Variants in SHCBP1 observed in about 807,000 individuals in gnomAD.
SHCBP1 encodes the protein SHC SH2 domain-binding protein 1.
In SHCBP1, 60 loss-of-function variants were observed where a neutral mutation model predicts 75.1. The observed-to-expected ratio is 0.80, with a 90% CI of 0.65 to 0.99. The LOEUF (loss-of-function observed/expected upper bound fraction) is 0.99, where lower values mean the gene tolerates loss of function less well. SHCBP1 is among the 50% of genes least tolerant of loss of function. SHCBP1 has a pLI of 0.00. For synonymous variants in SHCBP1, 290 were observed against 293.2 expected (o/e 0.99, Z 0.11); for missense variants, 709 against 809.4 (o/e 0.88, Z 1.50).
intron 8 of SHCBP1, among the ~76,000 whole-genome samples, chr16:46,603,012 G>A (rs1010173991): frequency 4.6e-5 from 7 of 152,188 alleles, no homozygotes; most frequent in Non-Finnish European, 8.8e-5. Context: ...TGTAGCATTT[G>A]TGACATTCGG....
At chr16:46,600,074 G>A in intron 8 of SHCBP1, 112 bp from the exon 9 acceptor site, 2 of 1,182,900 alleles carry the variant, frequency 1.7e-6, no homozygotes, top group Non-Finnish European at 2.4e-6. Flanking sequence ...AATGAGACCA[G>A]TCAACCATGT....
intron 5 of SHCBP1, among the ~76,000 whole-genome samples, chr16:46,608,010 C>A (rs995271642): frequency 2.0e-5 from 3 of 152,156 alleles, no homozygotes; most frequent in African/African-American, 4.8e-5. Flanking sequence ...AAACAGTGAG[C>A]TACTAATTTA....
chr16:46,583,475 A>T (rs1453319725), intron 12 of SHCBP1, 41 bp downstream of exon 12: 2 of 1,559,966 alleles, frequency 1.3e-6, no homozygotes, highest in Non-Finnish European at 1.7e-6. Flanking sequence ...ATGCTGAAAT[A>T]AATTATGTCT....
chr16:46,614,850 A>G (rs920033878), intron 4 of SHCBP1, among the ~76,000 whole-genome samples: 1 of 152,222 alleles, frequency 6.6e-6, no homozygotes, highest in African/African-American at 2.4e-5. Context: ...AACCCAATTA[A>G]GAATCCCCTA....
chr16:46,581,101 T>C lies in SHCBP1; in HGVS notation c.*628A>G, dbSNP rs931066560. 1 of 152,494 alleles carries C rather than the reference T, an allele frequency of 6.6e-6. No homozygotes were observed. Among genetic ancestry groups the C allele is most frequent in the African/African-American group, 2.4e-5 (1 of 41,454 alleles). The allele number at this position is 152,494 out of a possible 1,614,324, so 9.4% of individuals were successfully genotyped here. On this transcript the variant is annotated 3_prime_UTR_variant, in exon 13 of 13. Transcript: ENST00000303383. ...ATTCAGCAATAGTGAAAATGCTCTA[T>C]GTACAACATTGGCTCTGAATAACAC...
At chr16:46,604,200 T>G (rs752593121) in intron 6 of SHCBP1, 28 bp downstream of exon 6, 18 of 1,612,568 alleles carry the variant, frequency 1.1e-5, no homozygotes, top group Non-Finnish European at 1.4e-5. Context: ...AGATGCTGAC[T>G]AACTAAGAAT....
chr16:46,621,225 G>A (rs1965584929), intron 1 of SHCBP1, 32 bp downstream of exon 1: 1 of 1,582,050 alleles, frequency 6.3e-7, no homozygotes. Context: ...CCGCTCAGAG[G>A]CGGCTCCTCG....
At position 46,616,004 on chromosome 16, in the gene SHCBP1, C is replaced by T. The variant is rs146106817; in HGVS notation, c.538G>A (p.Val180Met). 1 of 1,614,158 alleles carries T rather than the reference C, an allele frequency of 6.2e-7. No homozygotes were observed. Among genetic ancestry groups the T allele is most frequent in the Admixed American group, 1.7e-5 (1 of 60,020 alleles). Residue 180 changes from valine (V) to methionine (M), a missense_variant, in exon 4 of 13, where the codon GTG (valine) becomes ATG (methionine). Transcript: ENST00000303383. This position sits in a 1 kb window ranked among gnomAD's most constrained non-coding sequence, Gnocchi z 4.4. ...EHRLPLQELW[V>M]VFDDSGVFDQ... ...AACACTCCTGAATCATCAAACACCA[C>T]CCACAGCTCCTGCAGGGGCAACCGA...
chr16:46,617,795 G>A (rs1314079914), intron 2 of SHCBP1, 46 bp from the exon 3 acceptor site: 2 of 1,402,564 alleles, frequency 1.4e-6, no homozygotes, highest in African/African-American at 1.4e-5. Context: ...GCATAAAGCA[G>A]AGGGAAGTTA....
chr16:46,585,242 A>C (rs1482946599), intron 10 of SHCBP1, among the ~76,000 whole-genome samples: 1 of 152,202 alleles, frequency 6.6e-6, no homozygotes, highest in African/African-American at 2.4e-5. Context: ...GAAAAGGAAC[A>C]GATAATTTGG....
In SHCBP1 at chr16:46,579,656, C is replaced by A. The variant is rs984905709; in HGVS notation, c.*2073G>T. Among the ~76,000 whole-genome samples, 1 of 151,454 alleles carries A rather than the reference C, an allele frequency of 6.6e-6. No homozygotes were observed. Among genetic ancestry groups the A allele is most frequent in the Admixed American group, 6.6e-5 (1 of 15,196 alleles). ...ATCTACTAAAAATACAAAAAAAAGG[C>A]CAGGCACGTGGCTCATGCCTGTAAT... On this transcript the variant is annotated 3_prime_UTR_variant, in exon 13 of 13. Coordinates refer to ENST00000303383, the MANE Select transcript of SHCBP1 (RefSeq NM_024745.5).
rs796086659 is a variant in SHCBP1 at position 46,616,958 on chromosome 16, G to A, written c.387+676C>T. Among the ~76,000 whole-genome samples the A allele has an allele frequency of 1.4e-4, 22 of 152,272 alleles. No individual in the cohort carries two copies. The highest frequency in any genetic ancestry group is 4.8e-4 in the African/African-American group (20 of 41,556). ...TGTAGTATGTGATGCCATTTTCTAA[G>A]GGAGCTGCAGCAACAACTTGTATTC... On this transcript the variant is annotated intron_variant, in intron 3 of 12. Coordinates refer to ENST00000303383, the MANE Select transcript of SHCBP1 (RefSeq NM_024745.5). This position sits in a 1 kb window ranked among gnomAD's most constrained non-coding sequence, Gnocchi z 4.4.
intron 9 of SHCBP1, among the ~76,000 whole-genome samples, chr16:46,596,274 G>T (rs544278327): frequency 6.6e-6 from 1 of 152,044 alleles, no homozygotes; most frequent in South Asian, 2.1e-4. Flanking sequence ...GGGAGGCCGA[G>T]GGGGGCAGAA....
rs1451483163 is a variant in SHCBP1 at position 46,599,811 on chromosome 16, C to CCAAA, written c.1345+16_1345+19dup. The stretch of plus-strand genomic sequence containing the variant: ...TTCAAATCTTAGAACAAATGATATA[C>CCAAA]CAAACATTCAGATACTTACTTAAGA... On this transcript the variant is annotated intron_variant, in intron 9 of 12. Transcript: ENST00000303383. The CCAAA allele has an allele frequency of 6.3e-7, 1 of 1,577,084 alleles. No individual in the cohort carries two copies.
chr16:46,604,135 AACAC>A lies in SHCBP1; in HGVS notation c.928_931del (p.Val310LeufsTer29), dbSNP rs1199877205. ...GATGTTAGAATTCTTCTGATAACCA[AACAC>A]ATACCTTAAAGAAACGAAACAGGCC... On this transcript the variant is annotated frameshift_variant, in exon 7 of 13. Coordinates refer to ENST00000303383, the MANE Select transcript of SHCBP1 (RefSeq NM_024745.5). LOFTEE classifies it high-confidence loss of function. 1 of 1,614,010 alleles carries A rather than the reference AACAC, an allele frequency of 6.2e-7. No individual in the cohort carries two copies. Among genetic ancestry groups the A allele is most frequent in the East Asian group, 2.2e-5 (1 of 44,886 alleles).
chr16:46,603,828 T>C, intron 7 of SHCBP1, 147 bp downstream of exon 7: 1 of 1,274,876 alleles, frequency 7.8e-7, no homozygotes, highest in Non-Finnish European at 1.1e-6. Context: ...AAGTGACTAC[T>C]GCTGATGAAA....
At position 46,616,247 on chromosome 16, in the gene SHCBP1, T is replaced by C; in HGVS notation, c.388-93A>G. On this transcript the variant is annotated intron_variant, in intron 3 of 12. Coordinates refer to ENST00000303383, the MANE Select transcript of SHCBP1 (RefSeq NM_024745.5). The surrounding 1 kb of genome is among the most constrained non-coding windows in gnomAD (Gnocchi z 4.4). ...TGACAACCTGATTTTTTTAAAAGCA[T>C]ACAACATGGGTGGGGAGGCTTTACC... The C allele has an allele frequency of 7.8e-7, 1 of 1,281,246 alleles. No individual in the cohort carries two copies. Among genetic ancestry groups the C allele is most frequent in the Non-Finnish European group, 1.1e-6 (1 of 912,754 alleles). 79.4% of individuals were successfully genotyped at this position (1,281,246 alleles called of 1,614,324 possible).
Position 46,604,394 on chromosome 16 carries a change from G to T in SHCBP1, c.757C>A (p.Gln253Lys). The T allele has an allele frequency of 1.2e-6, 2 of 1,614,142 alleles. No homozygotes were observed. The highest frequency in any genetic ancestry group is 1.7e-6 in the Non-Finnish European group (2 of 1,180,022). The part of the protein sequence containing the change: ...LIVDYHNLLS[Q>K]CEESYRKFLN... ...AATTTCCTGTAACTCTCCTCACATT[G>T]AGACAACAGATTGTGGTAGTCAACA... The change falls in exon 6 of 13, where the codon CAA becomes AAA. Residue 253 changes from glutamine to lysine, a missense_variant. Gln to Lys is a moderately conservative substitution (Grantham distance 53, BLOSUM62 1). Transcript: ENST00000303383.
intron 10 of SHCBP1, among the ~76,000 whole-genome samples, chr16:46,585,388 A>C (rs1964940706): frequency 6.6e-6 from 1 of 152,094 alleles, no homozygotes; most frequent in Non-Finnish European, 1.5e-5. Context: ...GGAGAGAAGA[A>C]GGCAGACCAG....
Sources: allele counts gnomAD v4.1 joint callset (sites outside exome capture counted in the v4.1 genomes callset), GRCh38; gene constraint gnomAD v4.1.1; non-coding constraint Gnocchi (gnomAD v3.1); transcripts MANE v1.5; gene names NCBI Gene and HGNC (gene_info 2026-07-23, HGNC 2026-07-21).